DMBT1: variants seen among roughly 807,000 people sequenced by gnomAD.
DMBT1 encodes scavenger receptor cysteine-rich domain-containing protein DMBT1.
In DMBT1, 198 loss-of-function variants were observed where a neutral mutation model predicts 252.9. The observed-to-expected ratio is 0.78, with a 90% CI of 0.70 to 0.88. DMBT1 has a LOEUF of 0.88. Among genes scored for constraint, DMBT1 ranks in the 40% least tolerant of loss-of-function variants. DMBT1 has a pLI of 0.00. For synonymous variants in DMBT1, 990 were observed against 942.7 expected (o/e 1.05, Z -0.92); for missense variants, 2,432 against 2,404.7 (o/e 1.01, Z -0.24).
chr10:122,639,642 T>C (rs1032986738), intron 54 of DMBT1, among the ~76,000 whole-genome samples: 1 of 152,224 alleles, frequency 6.6e-6, no homozygotes, highest in Non-Finnish European at 1.5e-5. Flanking sequence ...TGGATGTATA[T>C]GTGCAGGCTT....
chr10:122,587,123 C>G (rs1430654132), intron 16 of DMBT1, among the ~76,000 whole-genome samples: 1 of 148,192 alleles, frequency 6.7e-6, no homozygotes, highest in East Asian at 2.1e-4. Context: ...TTAGATGGGA[C>G]AAACATCCAA....
At chr10:122,586,707 T>C (rs1254586086) in intron 16 of DMBT1, among the ~76,000 whole-genome samples, 1 of 148,362 alleles carries the variant, frequency 6.7e-6, no homozygotes, top group Non-Finnish European at 1.5e-5. Context: ...AGGTTGTTCA[T>C]GAAGATAGAG....
Position 122,576,624 on chromosome 10 carries a change from G to T in DMBT1, c.509G>T (p.Arg170Leu), listed in dbSNP as rs200590365. 4.3e-6 allele frequency: 7 copies of T among 1,613,710 alleles called. No homozygotes were observed. The highest frequency in any genetic ancestry group is 5.9e-6 in the Non-Finnish European group (7 of 1,179,774). ...GGACCCATTGCCCTGGATGATGTGC[G>T]CTGCTCAGGACACGAATCCTACCTG... ...GSGPIALDDV[R>L]CSGHESYLWS... Residue 170 changes from arginine to leucine, a missense_variant, in exon 7 of 56, where the codon CGC (arginine) becomes CTC (leucine). Coordinates refer to ENST00000338354, the MANE Select transcript of DMBT1 (RefSeq NM_001377530.1).
intron 48 of DMBT1, 77 bp downstream of exon 48, chr10:122,630,567 C>A: frequency 6.8e-7 from 1 of 1,465,206 alleles, no homozygotes; most frequent in Non-Finnish European, 9.5e-7. Context: ...CATGGTTCCC[C>A]AAGGAAATCA....
At chr10:122,577,956 C>A in intron 8 of DMBT1, 116 bp downstream of exon 8, 1 of 1,157,184 alleles carries the variant, frequency 8.6e-7, no homozygotes, top group Non-Finnish European at 1.3e-6. Flanking sequence ...TATTATTTCA[C>A]CCCCAACTCT....
Position 122,598,946 on chromosome 10 carries a change from A to G in DMBT1, c.3129A>G (p.Pro1043=). 6.2e-7 allele frequency: 1 copy of G among 1,613,808 alleles called. No individual in the cohort carries two copies. Among genetic ancestry groups the G allele is most frequent in the Non-Finnish European group, 8.5e-7 (1 of 1,179,730 alleles). Reference sequence around the variant, plus strand: ...GCTGTGGCTGGGCCATGTCAGCCCCAGGAAATGCCCGGTTTGGTCAGGGCT... The same window carrying G: ...GCTGTGGCTGGGCCATGTCAGCCCCGGGAAATGCCCGGTTTGGTCAGGGCT... The part of the protein sequence containing the change: ...QLGCGWAMSA[P]GNARFGQGSG... The change falls in exon 26 of 56, where the codon CCA becomes CCG. Residue 1043 remains proline (P), a synonymous_variant. Transcript: ENST00000338354.
intron 41 of DMBT1, 115 bp downstream of exon 41, chr10:122,618,455 T>C: frequency 6.5e-7 from 1 of 1,546,124 alleles, no homozygotes; most frequent in Non-Finnish European, 8.7e-7. Flanking sequence ...TCTATATTTC[T>C]GAAGTCTTGT....
chr10:122,569,456 G>A (rs1353977482), intron 2 of DMBT1, among the ~76,000 whole-genome samples: 1 of 152,172 alleles, frequency 6.6e-6, no homozygotes, highest in Non-Finnish European at 1.5e-5. Context: ...TCCTTTGTTT[G>A]CGTAGTGCCA....
intron 40 of DMBT1, 123 bp from the exon 41 acceptor site, chr10:122,617,894 A>G: frequency 6.7e-7 from 1 of 1,498,768 alleles, no homozygotes; most frequent in Non-Finnish European, 9.1e-7. Context: ...TAGCAGTTGT[A>G]TGCAATTGTG....
rs2097852328 is a variant in DMBT1, at chr10:122,591,918, G to C, written c.2177-354G>C. Among the ~76,000 whole-genome samples the C allele has an allele frequency of 1.3e-5, 2 of 149,100 alleles. 1 individual carries two copies. Among genetic ancestry groups the C allele is most frequent in the South Asian group, 4.5e-4 (2 of 4,466 alleles). Reference sequence around the variant, plus strand: ...TGGCAATTTGCCAGAAGCCAGAGAGGACCACGTGGGTGCCACCAAACTCTT... The same window carrying C: ...TGGCAATTTGCCAGAAGCCAGAGAGCACCACGTGGGTGCCACCAAACTCTT... On this transcript the variant is annotated intron_variant, in intron 19 of 55. Coordinates refer to ENST00000338354, the MANE Select transcript of DMBT1 (RefSeq NM_001377530.1).
In DMBT1 at chr10:122,601,009, A is replaced by G. The variant is rs372652149; in HGVS notation, c.3329A>G (p.His1110Arg). Residue 1110 changes from histidine (H) to arginine (R), a missense_variant, in exon 28 of 56, where the codon CAT becomes CGT. Physicochemically the swap from His to Arg is conservative, Grantham distance 29. Coordinates refer to ENST00000338354, the MANE Select transcript of DMBT1 (RefSeq NM_001377530.1). ...TTTACAGACACTTGGCCAACCTCAC[A>G]TGCATCAACAGCAGGTAAATAATCC... ...TPSPDTWPTS[H>R]ASTAGSESSL... 1.9e-5 allele frequency: 18 copies of G among 954,562 alleles called. No individual in the cohort carries two copies. Among genetic ancestry groups the G allele is most frequent in the African/African-American group, 1.3e-4 (7 of 53,982 alleles). The allele number at this position is 954,562 out of a possible 1,614,324, so 59.1% of individuals were successfully genotyped here.
chr10:122,599,003 C>T lies in DMBT1; in HGVS notation c.3186C>T (p.Cys1062=). The change falls in exon 26 of 56, where the codon TGC becomes TGT. Residue 1062 remains cysteine (C), a synonymous_variant. Transcript: ENST00000338354. ...CCATTGTCCTGGATGATGTGCGCTG[C>T]TCAGGACACGAGTCTTACCTGTGGA... ...SGPIVLDDVR[C]SGHESYLWSC... is the part of the protein sequence containing the mutation. 6.2e-7 allele frequency: 1 copy of T among 1,613,810 alleles called. No individual in the cohort carries two copies. Among genetic ancestry groups the T allele is most frequent in the Non-Finnish European group, 8.5e-7 (1 of 1,179,740 alleles).
In DMBT1 at chr10:122,598,980, A is replaced by T; in HGVS notation, c.3163A>T (p.Ile1055Phe). ...NARFGQGSGP[I>F]VLDDVRCSGH... is the part of the protein sequence containing the mutation. ...CCGGTTTGGTCAGGGCTCAGGACCC[A>T]TTGTCCTGGATGATGTGCGCTGCTC... Residue 1055 changes from isoleucine to phenylalanine, a missense_variant, in exon 26 of 56, where the codon ATT (isoleucine) becomes TTT (phenylalanine). This residue lies in a region of DMBT1 where 1,264 missense variants were observed against 1,082.2 expected (regional missense o/e 1.17). Coordinates refer to ENST00000338354, the MANE Select transcript of DMBT1 (RefSeq NM_001377530.1). 1 of 1,613,712 alleles carries T rather than the reference A, an allele frequency of 6.2e-7. No individual in the cohort carries two copies. The highest frequency in any genetic ancestry group is 8.5e-7 in the Non-Finnish European group (1 of 1,179,718).
intron 5 of DMBT1, among the ~76,000 whole-genome samples, 187 bp downstream of exon 5, chr10:122,572,548 G>A (rs896887277): frequency 2.2e-4 from 33 of 152,220 alleles, no homozygotes; most frequent in African/African-American, 7.5e-4. Flanking sequence ...ACACGAGCAC[G>A]TTTGTACACG....
chr10:122,577,688 C>T, intron 7 of DMBT1, 123 bp from the exon 8 acceptor site: 1 of 1,118,248 alleles, frequency 8.9e-7, no homozygotes, highest in Non-Finnish European at 1.3e-6. Context: ...ACTGGCAGGG[C>T]CCACTTGGTG....
rs188286425 is a variant in DMBT1, at chr10:122,637,162, T to C, written c.6792T>C (p.Ser2264=). 1 of 1,614,000 alleles carries C rather than the reference T, an allele frequency of 6.2e-7. No individual in the cohort carries two copies. The highest frequency in any genetic ancestry group is 2.2e-5 in the East Asian group (1 of 44,872). The change falls in exon 54 of 56, where the codon AGT becomes AGC. Residue 2264 remains serine (S), a synonymous_variant. Transcript: ENST00000338354. ...GTCTGCCAAATCACATGCAAGCCAG[T>C]GTGAGCAGGAGCTATCTCCAATCCT... ...LLCLPNHMQA[S]VSRSYLQSLG...
chr10:122,632,426 C>G (rs2098172811), intron 50 of DMBT1, among the ~76,000 whole-genome samples: 1 of 152,012 alleles, frequency 6.6e-6, no homozygotes, highest in African/African-American at 2.4e-5. Context: ...TGCCAGGGCT[C>G]CCCATGATCT....
Position 122,628,333 on chromosome 10 carries a change from A to G in DMBT1, c.5669-1507A>G, listed in dbSNP as rs140248613. On this transcript the variant is annotated intron_variant, in intron 46 of 55. Transcript: ENST00000338354. ...TCCATGCAGTGGAGTATTATTTGGC[A>G]ATAAAAATGAATTTAATAGTGGCCG... is the stretch of plus-strand genomic sequence containing the variant. Among the ~76,000 whole-genome samples the G allele has an allele frequency of 1.5e-3, 234 of 152,340 alleles. 1 individual carries two copies. The highest frequency in any genetic ancestry group is 0.015 in the East Asian group (77 of 5,186).
At chr10:122,565,833 G>C (rs1415690753) in intron 1 of DMBT1, 134 bp from the exon 2 acceptor site, 2 of 784,980 alleles carry the variant, frequency 2.5e-6, no homozygotes, top group Admixed American at 4.1e-5. Flanking sequence ...CAAGAACGTC[G>C]GGGACACACA....
Sources: allele counts gnomAD v4.1 joint callset (sites outside exome capture counted in the v4.1 genomes callset), GRCh38; gene constraint gnomAD v4.1.1; regional missense constraint gnomAD v4.1.1; transcripts MANE v1.5; gene names NCBI Gene and HGNC (gene_info 2026-07-23, HGNC 2026-07-21).